Variants in INTS6L observed in about 807,000 individuals in gnomAD.
INTS6L encodes integrator complex subunit 6 like.
Under a neutral mutation model 64.7 loss-of-function variants are expected in INTS6L, and 18 were observed. The ratio of observed to expected loss-of-function variants is 0.28; its 90% CI spans 0.19 to 0.41. INTS6L has a LOEUF of 0.41. Ranked by LOEUF, INTS6L falls within the 10% of genes least tolerant of loss-of-function variation. INTS6L has a pLI of 1.00. For missense variants in INTS6L, 533 were observed against 661.0 expected (o/e 0.81, Z 2.12); for synonymous variants, 227 against 235.9 (o/e 0.96, Z 0.34).
At position 135,546,455 on chromosome X, in the gene INTS6L, G is replaced by T; in HGVS notation, c.415G>T (p.Gly139Cys). ...TGGAAACAAGTTAACAAGTACTGCT[G>T]GTGTTCAAGAAGAGGTGAGATTTTA... The part of the protein sequence containing the change: ...TDGNKLTSTA[G>C]VQEELHLPLN... Residue 139 changes from glycine to cysteine, a missense_variant, in exon 4 of 18, where the codon GGT (glycine) becomes TGT (cysteine). Transcript: ENST00000639893. The T allele has an allele frequency of 8.5e-7, 1 of 1,169,657 alleles. No homozygotes were observed. Among genetic ancestry groups the T allele is most frequent in the Non-Finnish European group, 1.1e-6 (1 of 878,434 alleles).
intron 11 of INTS6L, 198 bp downstream of exon 11, chrX:135,570,744 CTG>C: frequency 2.3e-6 from 1 of 444,149 alleles, no homozygotes; most frequent in Non-Finnish European, 3.5e-6. Context: ...TCATTTGATG[CTG>C]TGCCATTTCT....
At chrX:135,551,389 C>T (rs2086499728) in intron 7 of INTS6L, among the ~76,000 whole-genome samples, 1 of 112,367 alleles carries the variant, frequency 8.9e-6, no homozygotes, top group Non-Finnish European at 1.9e-5. Context: ...CGCAAAGCAT[C>T]CCCAGCTCCA....
intron 11 of INTS6L, chrX:135,571,830 C>G (rs1556527662): frequency 9.0e-6 from 1 of 111,473 alleles, no homozygotes; most frequent in African/African-American, 3.3e-5. Context: ...GTTCTGGGAC[C>G]TTTTGGGGCA....
intron 2 of INTS6L, 88 bp downstream of exon 2, chrX:135,521,406 C>G: frequency 1.0e-6 from 1 of 955,805 alleles, no homozygotes; most frequent in Non-Finnish European, 1.4e-6. Context: ...CTAAGGCGGT[C>G]CTGCGTCGCC....
chrX:135,542,706 T>C (rs1276405517), intron 2 of INTS6L, among the ~76,000 whole-genome samples: 1 of 111,885 alleles, frequency 8.9e-6, no homozygotes, highest in Non-Finnish European at 1.9e-5. Context: ...CCAAATCTTA[T>C]CCTAGCCCTT....
intron 2 of INTS6L, among the ~76,000 whole-genome samples, chrX:135,532,321 C>T (rs1344966874): frequency 8.9e-6 from 1 of 112,592 alleles, no homozygotes; most frequent in Non-Finnish European, 1.9e-5. Flanking sequence ...GCAAAGCTCT[C>T]CACTTTTCTT....
At chrX:135,558,943 G>T (rs141247888) in intron 9 of INTS6L, among the ~76,000 whole-genome samples, 3 of 108,417 alleles carry the variant, frequency 2.8e-5, no homozygotes, top group African/African-American at 1.0e-4. Flanking sequence ...GCACCACCAC[G>T]CCCAGCTTTT....
chrX:135,524,595 G>A (rs782539100), intron 2 of INTS6L, among the ~76,000 whole-genome samples: 1 of 110,919 alleles, frequency 9.0e-6, no homozygotes, highest in South Asian at 3.7e-4. Context: ...GTTTCTATTG[G>A]TGTTATAACA....
intron 2 of INTS6L, among the ~76,000 whole-genome samples, chrX:135,524,904 C>T (rs189538702): frequency 3.6e-5 from 4 of 112,403 alleles, no homozygotes; most frequent in East Asian, 2.8e-4. Flanking sequence ...ACATAAAAAG[C>T]GTACGAAATG....
intron 2 of INTS6L, among the ~76,000 whole-genome samples, chrX:135,524,450 G>GT (rs201991290): frequency 0.078 from 7,879 of 101,595 alleles, 468 homozygotes; most frequent in African/African-American, 0.19. Flanking sequence ...GAATATGAGT[G>GT]TTTTTTTTTT....
intron 2 of INTS6L, among the ~76,000 whole-genome samples, chrX:135,536,286 A>G (rs2086048933): frequency 8.9e-6 from 1 of 112,117 alleles, no homozygotes; most frequent in Non-Finnish European, 1.9e-5. Context: ...GAGAATATTA[A>G]TCATTCAACT....
intron 9 of INTS6L, among the ~76,000 whole-genome samples, chrX:135,559,844 G>A (rs2086736145): frequency 8.9e-6 from 1 of 112,376 alleles, no homozygotes; most frequent in Admixed American, 9.4e-5. Context: ...TTTGATAGGT[G>A]TATGGTGATA....
chrX:135,568,577 T>C (rs1353410001), intron 9 of INTS6L, among the ~76,000 whole-genome samples: 2 of 111,520 alleles, frequency 1.8e-5, no homozygotes, highest in African/African-American at 6.5e-5. Context: ...TGAGACACAG[T>C]CTTGCTCTGT....
At chrX:135,563,631 G>A (rs57091694) in intron 9 of INTS6L, among the ~76,000 whole-genome samples, 1,442 of 7,616 alleles carry the variant, frequency 0.19, 69 homozygotes, top group South Asian at 0.44. Context: ...GTGTGTGTGT[G>A]TGTATATATA....
chrX:135,581,875 T>C lies in INTS6L; in HGVS notation c.*239T>C. The C allele has an allele frequency of 3.3e-6, 1 of 303,437 alleles. No homozygotes were observed. The highest frequency in any genetic ancestry group is 5.3e-5 in the South Asian group (1 of 18,794). The allele number at this position is 303,437 out of a possible 1,213,427, so 25.0% of individuals were successfully genotyped here. A position where few individuals can be genotyped will look rare whatever the true frequency, so the allele number is the denominator to read the frequency against. ...TCCTCAATTGAGGAAGCTGATGTTA[T>C]TAATTCACAGGCTAAATTCGGTAAA... On this transcript the variant is annotated 3_prime_UTR_variant, in exon 18 of 18. Coordinates refer to ENST00000639893, the MANE Select transcript of INTS6L (RefSeq NM_001351601.3).
intron 2 of INTS6L, among the ~76,000 whole-genome samples, chrX:135,527,608 A>G (rs782230460): frequency 2.7e-5 from 3 of 112,252 alleles, no homozygotes; most frequent in Non-Finnish European, 5.6e-5. Context: ...AAGGCTTTGA[A>G]ACTTGTAAGC....
At chrX:135,570,972 A>T (rs1273465349) in intron 11 of INTS6L, 2 of 121,181 alleles carry the variant, frequency 1.7e-5, no homozygotes, top group Non-Finnish European at 3.4e-5. Flanking sequence ...TGAAGGACTT[A>T]TACTCACATG....
chrX:135,561,426 A>G (rs1422138675), intron 9 of INTS6L, among the ~76,000 whole-genome samples: 6 of 111,991 alleles, frequency 5.4e-5, no homozygotes, highest in Non-Finnish European at 1.1e-4. Flanking sequence ...ACTGAGTTCT[A>G]TGTGCTGATA....
Position 135,549,796 on chromosome X carries a change from A to G in INTS6L, c.897A>G (p.Leu299=). The G allele has an allele frequency of 8.3e-7, 1 of 1,211,017 alleles. No individual in the cohort carries two copies. Among genetic ancestry groups the G allele is most frequent in the Admixed American group, 2.2e-5 (1 of 45,934 alleles). ...AATCTTTTTGGCCAGATCAGAATTT[A>G]CCTTCACTAGTAAGTGTCATAAAAT... is the stretch of plus-strand genomic sequence containing the variant. The part of the protein sequence containing the change: ...IPESFWPDQN[L]PSLPPRTSHP... The change falls in exon 7 of 18, where the codon TTA becomes TTG. Residue 299 remains leucine (L), a synonymous_variant. Transcript: ENST00000639893.
Sources: allele counts gnomAD v4.1 joint callset (sites outside exome capture counted in the v4.1 genomes callset), GRCh38; gene constraint gnomAD v4.1.1; transcripts MANE v1.5; gene names NCBI Gene and HGNC (gene_info 2026-07-23, HGNC 2026-07-21).